PALM2AKAP2: variants seen among roughly 807,000 people sequenced by gnomAD.
The protein encoded by PALM2AKAP2 is PALM2 and AKAP2 fusion.
A neutral mutation model predicts 71.5 loss-of-function variants in PALM2AKAP2; 37 were observed. The ratio of observed to expected loss-of-function variants is 0.52; its 90% confidence interval spans 0.40 to 0.68. The LOEUF (loss-of-function observed/expected upper bound fraction) is 0.68. Ranked by LOEUF, PALM2AKAP2 falls within the 30% of genes least tolerant of loss-of-function variation. The pLI is 0.00. For missense variants in PALM2AKAP2, 1,224 were observed against 1,191.8 expected, an observed-to-expected ratio of 1.03 and a Z score of -0.40; for synonymous variants, 468 against 478.8, an observed-to-expected ratio of 0.98 and a Z score of 0.29.
At chr9:109,936,837 C>T (rs956194330) in intron 6 of PALM2AKAP2, among the ~76,000 whole-genome samples, 2 of 152,158 alleles carry the variant, frequency 1.3e-5, no homozygotes, top group Non-Finnish European at 2.9e-5. Flanking sequence ...CTAATGACAG[C>T]GGAACATGTG....
chr9:109,648,710 G>T (rs1827185335), intron 1 of PALM2AKAP2, among the ~76,000 whole-genome samples: 1 of 152,120 alleles, frequency 6.6e-6, no homozygotes. Context: ...ATGCTTTGTG[G>T]GCTCAGTGTT....
intron 1 of PALM2AKAP2, among the ~76,000 whole-genome samples, chr9:109,690,334 T>C (rs1215301239): frequency 1.3e-5 from 2 of 152,242 alleles, no homozygotes; most frequent in African/African-American, 4.8e-5. Context: ...AATCTTTTTC[T>C]TTTTAGGATA....
chr9:109,835,016 G>T (rs1345418704), intron 1 of PALM2AKAP2, among the ~76,000 whole-genome samples: 1 of 152,044 alleles, frequency 6.6e-6, no homozygotes, highest in African/African-American at 2.4e-5. Context: ...GGAGGGGTCT[G>T]CACTTAGATT....
At position 109,728,208 on chromosome 9, in the gene PALM2AKAP2, G is replaced by T. The variant is rs558662072; in HGVS notation, c.6-52280G>T. ...AAATGGACAGTCCTTATTGTTATTA[G>T]GGAATTGTGTTATGATAACAACATT... is the stretch of plus-strand genomic sequence containing the variant. On this transcript the variant is annotated intron_variant, in intron 1 of 6. Coordinates refer to the PALM2AKAP2 transcript ENST00000374531. Among the ~76,000 whole-genome samples, 11 of 152,294 alleles carry T rather than the reference G, an allele frequency of 7.2e-5. 1 individual carries two copies. The highest frequency in any genetic ancestry group is 2.6e-4 in the African/African-American group (11 of 41,558).
chr9:109,670,351 T>A (rs1479523523), intron 1 of PALM2AKAP2, among the ~76,000 whole-genome samples: 1 of 152,186 alleles, frequency 6.6e-6, no homozygotes, highest in African/African-American at 2.4e-5. Flanking sequence ...CTCCCACTTA[T>A]AAATGAGAAC....
chr9:109,936,078 T>G (rs949322761), intron 6 of PALM2AKAP2, among the ~76,000 whole-genome samples: 12 of 152,180 alleles, frequency 7.9e-5, no homozygotes, highest in South Asian at 2.1e-4. Context: ...CTGTTTTTTT[T>G]GGGGGGAGTT....
chr9:109,769,175 CCTA>C (rs1829213765), intron 1 of PALM2AKAP2, among the ~76,000 whole-genome samples: 4 of 152,098 alleles, frequency 2.6e-5, no homozygotes. Flanking sequence ...GTTTTTTACT[CCTA>C]CGAAAGTGAA....
chr9:110,009,778 T>C (rs1403253489), intron 6 of PALM2AKAP2, among the ~76,000 whole-genome samples: 2 of 151,616 alleles, frequency 1.3e-5, no homozygotes, highest in Non-Finnish European at 2.9e-5. Flanking sequence ...CAAACCCTCA[T>C]GGCTTCCTGC....
At chr9:109,667,165 A>G (rs1827498310) in intron 1 of PALM2AKAP2, among the ~76,000 whole-genome samples, 1 of 152,194 alleles carries the variant, frequency 6.6e-6, no homozygotes, top group African/African-American at 2.4e-5. Flanking sequence ...CTCTGGAATC[A>G]GAGGGAGAGT....
In PALM2AKAP2 at chr9:109,854,763, CTTTTTTTTTT is replaced by C. The variant is rs34401582; in HGVS notation, c.46-12710_46-12701del. On this transcript the variant is annotated intron_variant, in intron 1 of 9. Coordinates refer to the PALM2AKAP2 transcript ENST00000302798. The stretch of plus-strand genomic sequence containing the variant: ...GTAGTCAGTTTTTAAAAGAATGTAT[CTTTTTTTTTT>C]TTTTTTTTTTTTTTTTTAGATGGAG... 7.6e-5 allele frequency among the ~76,000 whole-genome samples: 5 copies of C among 66,158 alleles called. No homozygotes were observed. The Admixed American group carries it at 9.5e-4, about 13-fold the overall frequency. The allele number at this position is 66,158 out of a possible 152,430, so 43.4% of individuals were successfully genotyped here.
intron 1 of PALM2AKAP2, among the ~76,000 whole-genome samples, chr9:109,832,642 G>GA (rs1245256726): frequency 1.3e-5 from 2 of 152,180 alleles, no homozygotes; most frequent in Non-Finnish European, 2.9e-5. Context: ...AGAACACCCA[G>GA]ATGCCTTAAA....
intron 3 of PALM2AKAP2, among the ~76,000 whole-genome samples, chr9:109,891,911 G>A (rs1391096799): frequency 6.6e-6 from 1 of 152,218 alleles, no homozygotes; most frequent in Non-Finnish European, 1.5e-5. Flanking sequence ...TCCCTGGATG[G>A]AGGGTGAAGA....
chr9:109,711,719 AC>A (rs1410302934), intron 1 of PALM2AKAP2, among the ~76,000 whole-genome samples: 1 of 152,232 alleles, frequency 6.6e-6, no homozygotes, highest in Non-Finnish European at 1.5e-5. Flanking sequence ...CTTAGGCTCC[AC>A]TTATGGCACA....
intron 1 of PALM2AKAP2, among the ~76,000 whole-genome samples, chr9:110,101,976 A>C (rs1329759274): frequency 6.6e-6 from 1 of 152,198 alleles, no homozygotes; most frequent in Non-Finnish European, 1.5e-5. Flanking sequence ...TGGGCACTGC[A>C]CTGTGCATGT....
At chr9:110,155,632 G>A (rs1472953504) in intron 2 of PALM2AKAP2, among the ~76,000 whole-genome samples, 1 of 152,208 alleles carries the variant, frequency 6.6e-6, no homozygotes, top group African/African-American at 2.4e-5. Context: ...GCCTTTGTTG[G>A]TGTACACTTC....
chr9:109,727,937 G>C (rs768372680), intron 1 of PALM2AKAP2, among the ~76,000 whole-genome samples: 2 of 152,136 alleles, frequency 1.3e-5, no homozygotes, highest in African/African-American at 4.8e-5. Flanking sequence ...AACCCCTTTA[G>C]ATCAGTGCCA....
intron 1 of PALM2AKAP2, chr9:110,090,172 T>C: frequency 3.1e-6 from 1 of 326,726 alleles, no homozygotes; most frequent in South Asian, 2.3e-5. Context: ...TTGCAGCCTG[T>C]GTGCTTCCTG....
intron 3 of PALM2AKAP2, among the ~76,000 whole-genome samples, chr9:109,919,704 A>G (rs1830780163): frequency 6.7e-6 from 1 of 149,632 alleles, no homozygotes; most frequent in East Asian, 2.0e-4. Context: ...ATATATTAGT[A>G]GGATGTATAT....
At chr9:110,136,765 G>A in exon 2 of PALM2AKAP2, 1 of 1,614,192 alleles carries the variant, frequency 6.2e-7, no homozygotes, top group South Asian at 1.1e-5. Flanking sequence ...TGAAAAAGGA[G>A]GCCAAGTTTG....
Sources: allele counts gnomAD v4.1 joint callset (sites outside exome capture counted in the v4.1 genomes callset), GRCh38; gene constraint gnomAD v4.1.1; transcripts MANE v1.5; gene names NCBI Gene and HGNC (gene_info 2026-07-23, HGNC 2026-07-21).